The following ZFPM2 variants were observed in gnomAD, a reference collection of about 807,000 sequenced individuals.
The protein encoded by ZFPM2 is zinc finger protein ZFPM2.
A neutral mutation model predicts 98.6 loss-of-function variants in ZFPM2; 20 were observed. The ratio of observed to expected loss-of-function variants is 0.20; its 90% CI spans 0.14 to 0.29. The LOEUF (loss-of-function observed/expected upper bound fraction) is 0.29, where lower values mean the gene tolerates loss of function less well. ZFPM2 is among the 10% of genes least tolerant of loss of function. The pLI, the probability that ZFPM2 is intolerant of heterozygous loss-of-function variation, is 1.00. For missense variants in ZFPM2, 1,310 were observed against 1,388.6 expected, an observed-to-expected ratio of 0.94 and a Z score of 0.90; for synonymous variants, 518 against 502.7, an observed-to-expected ratio of 1.03 and a Z score of -0.41.
chr8:105,754,543 G>A (rs2131059398), intron 5 of ZFPM2, among the ~76,000 whole-genome samples: 1 of 152,186 alleles, frequency 6.6e-6, no homozygotes, highest in South Asian at 2.1e-4. Flanking sequence ...CAGGAGCAAA[G>A]TCTTTGTCTA....
chr8:105,431,298 C>T (rs374146989), intron 2 of ZFPM2, among the ~76,000 whole-genome samples: 3 of 152,160 alleles, frequency 2.0e-5, no homozygotes, highest in African/African-American at 7.2e-5. Flanking sequence ...AATTACGTTA[C>T]TATGGAGGGT....
chr8:105,534,942 C>T (rs1814418017), intron 3 of ZFPM2, among the ~76,000 whole-genome samples: 1 of 152,060 alleles, frequency 6.6e-6, no homozygotes, highest in South Asian at 2.1e-4. Context: ...TCTATAGTAA[C>T]AGCAAGTTTT....
At chr8:105,490,740 T>C (rs1813341031) in intron 3 of ZFPM2, among the ~76,000 whole-genome samples, 1 of 152,142 alleles carries the variant, frequency 6.6e-6, no homozygotes, top group Non-Finnish European at 1.5e-5. Flanking sequence ...GCCAGGCCCA[T>C]GGACATGGCT....
chr8:105,453,195 C>T (rs1314933983), intron 3 of ZFPM2, among the ~76,000 whole-genome samples: 1 of 152,136 alleles, frequency 6.6e-6, no homozygotes, highest in African/African-American at 2.4e-5. Flanking sequence ...TAACTATATG[C>T]AACACTCAGT....
intron 1 of ZFPM2, among the ~76,000 whole-genome samples, chr8:105,372,982 T>C (rs935392044): frequency 6.6e-6 from 1 of 152,184 alleles, no homozygotes; most frequent in African/African-American, 2.4e-5. Flanking sequence ...TCAAAATCCA[T>C]AGATTATCTC....
chr8:105,803,947 T>C lies in ZFPM2; in HGVS notation c.*409T>C, dbSNP rs1814127790. 1 of 164,352 alleles carries C rather than the reference T, an allele frequency of 6.1e-6. No individual in the cohort carries two copies. Among genetic ancestry groups the C allele is most frequent in the Non-Finnish European group, 1.3e-5 (1 of 74,410 alleles). 10.2% of individuals were successfully genotyped at this position (164,352 alleles called of 1,614,324 possible). The stretch of plus-strand genomic sequence containing the variant: ...TTGTGTATCTTGATTTTTTCTTATA[T>C]GCTGTTGCAGATATATGTATATGCT... On this transcript the variant is annotated 3_prime_UTR_variant, in exon 8 of 8. Coordinates refer to ENST00000407775, the MANE Select transcript of ZFPM2 (RefSeq NM_012082.4).
intron 3 of ZFPM2, among the ~76,000 whole-genome samples, chr8:105,471,257 A>G (rs557558693): frequency 6.6e-6 from 1 of 152,278 alleles, no homozygotes; most frequent in African/African-American, 2.4e-5. Flanking sequence ...CATGACTAGT[A>G]TACATTTATT....
At chr8:105,340,873 A>C (rs1563611585) in intron 1 of ZFPM2, among the ~76,000 whole-genome samples, 1 of 151,982 alleles carries the variant, frequency 6.6e-6, no homozygotes, top group Non-Finnish European at 1.5e-5. Flanking sequence ...AAATAGGGTA[A>C]CGTGACAAAG....
At chr8:105,483,249 T>C (rs996068135) in intron 3 of ZFPM2, among the ~76,000 whole-genome samples, 3 of 152,038 alleles carry the variant, frequency 2.0e-5, no homozygotes, top group African/African-American at 7.2e-5. Flanking sequence ...AAACAAAAAC[T>C]TTATTCAGCC....
At chr8:105,319,641 C>A (rs546339430) in intron 1 of ZFPM2, 3 of 152,410 alleles carry the variant, frequency 2.0e-5, no homozygotes, top group African/African-American at 7.2e-5. Context: ...CGGGCGGGTC[C>A]GGCTCACGCC....
chr8:105,768,315 A>C (rs150801878), intron 5 of ZFPM2, among the ~76,000 whole-genome samples: 1 of 152,018 alleles, frequency 6.6e-6, no homozygotes, highest in Non-Finnish European at 1.5e-5. Context: ...TTAAAAGCAA[A>C]ATAGATTTTC....
chr8:105,576,234 G>A (rs1377808721), intron 4 of ZFPM2, among the ~76,000 whole-genome samples: 2 of 152,104 alleles, frequency 1.3e-5, no homozygotes, highest in Non-Finnish European at 2.9e-5. Context: ...TCAATACACT[G>A]TAAAGTTTAA....
intron 4 of ZFPM2, 30 bp downstream of exon 4, chr8:105,561,511 T>C: frequency 6.6e-7 from 1 of 1,521,462 alleles, no homozygotes; most frequent in Non-Finnish European, 9.0e-7. Flanking sequence ...TGGTTAATAT[T>C]TTGTCATCGA....
chr8:105,679,257 C>T (rs1463368672), intron 5 of ZFPM2, among the ~76,000 whole-genome samples: 2 of 152,144 alleles, frequency 1.3e-5, no homozygotes, highest in African/African-American at 4.8e-5. Flanking sequence ...GATTGGGCAA[C>T]ATTAGTTTCC....
chr8:105,466,443 T>G (rs1265057764), intron 3 of ZFPM2, among the ~76,000 whole-genome samples: 1 of 152,088 alleles, frequency 6.6e-6, no homozygotes, highest in Non-Finnish European at 1.5e-5. Flanking sequence ...TTTCTCACAT[T>G]TTAAAATTTG....
intron 4 of ZFPM2, among the ~76,000 whole-genome samples, chr8:105,611,558 G>T (rs1348718390): frequency 6.6e-6 from 1 of 152,012 alleles, no homozygotes; most frequent in Non-Finnish European, 1.5e-5. Flanking sequence ...CAAGGATCAG[G>T]GACAACAGTT....
At chr8:105,504,223 G>T (rs1280529821) in intron 3 of ZFPM2, among the ~76,000 whole-genome samples, 3 of 152,136 alleles carry the variant, frequency 2.0e-5, no homozygotes, top group Non-Finnish European at 2.9e-5. Flanking sequence ...TTATCATCTT[G>T]TCTTTATTTA....
At chr8:105,381,359 A>G (rs1810885478) in intron 1 of ZFPM2, among the ~76,000 whole-genome samples, 1 of 151,964 alleles carries the variant, frequency 6.6e-6, no homozygotes, top group Admixed American at 6.6e-5. Flanking sequence ...ATCACCAATC[A>G]CAGCTTTAAC....
chr8:105,600,557 CTT>C (rs906931397), intron 4 of ZFPM2, among the ~76,000 whole-genome samples: 73 of 152,040 alleles, frequency 4.8e-4, no homozygotes, highest in African/African-American at 1.7e-3. Context: ...AATTTGCTAA[CTT>C]ATTTTTATTT....
Sources: gnomAD v4.1 joint callset for allele counts (sites outside exome capture counted in the v4.1 genomes callset) on GRCh38, gnomAD v4.1.1 for gene constraint, MANE v1.5 for transcripts, NCBI Gene and HGNC (gene_info 2026-07-23, HGNC 2026-07-21) for gene names.